RAB3GAP2: variants seen among roughly 807,000 people sequenced by gnomAD.
The protein encoded by RAB3GAP2 is RAB3 GTPase activating non-catalytic protein subunit 2, also known as rab3 GTPase-activating protein non-catalytic subunit.
Under a neutral mutation model 185.3 loss-of-function variants are expected in RAB3GAP2, and 87 were observed. The ratio of observed to expected loss-of-function variants is 0.47; its 90% CI spans 0.39 to 0.56. The LOEUF (loss-of-function observed/expected upper bound fraction) is 0.56. Ranked by LOEUF, RAB3GAP2 falls within the 20% of genes least tolerant of loss-of-function variation. The probability of loss-of-function intolerance (pLI) is 0.00; values close to 1 mark genes in which losing one functional copy is unlikely to be tolerated. For missense variants in RAB3GAP2, 1,492 were observed against 1,638.2 expected (o/e 0.91, Z 1.54); for synonymous variants, 554 against 576.1 (o/e 0.96, Z 0.55).
At chr1:220,204,400 C>G (rs2102876735) in intron 8 of RAB3GAP2, among the ~76,000 whole-genome samples, 1 of 152,170 alleles carries the variant, frequency 6.6e-6, no homozygotes, top group Middle Eastern at 3.4e-3. Flanking sequence ...ATCTATATAT[C>G]AAAAGGCAAT....
chr1:220,176,067 A>G (rs1451370506), intron 21 of RAB3GAP2, among the ~76,000 whole-genome samples: 1 of 152,194 alleles, frequency 6.6e-6, no homozygotes. Flanking sequence ...GAATACAGAG[A>G]TAAATTAAGT....
chr1:220,160,526 C>A (rs1657946399), intron 28 of RAB3GAP2, among the ~76,000 whole-genome samples: 2 of 152,314 alleles, frequency 1.3e-5, no homozygotes, highest in East Asian at 1.9e-4. Flanking sequence ...ATGTGCCAGA[C>A]CCTGTGCTAA....
chr1:220,151,589 C>T lies in RAB3GAP2; in HGVS notation c.4026+17G>A, dbSNP rs778191771. The T allele has an allele frequency of 9.4e-6, 15 of 1,603,660 alleles. No homozygotes were observed. Among genetic ancestry groups the T allele is most frequent in the South Asian group, 1.1e-5 (1 of 90,842 alleles). On this transcript the variant is annotated intron_variant, in intron 34 of 34. Coordinates refer to ENST00000358951, the MANE Select transcript of RAB3GAP2 (RefSeq NM_012414.4). Reference sequence around the variant, plus strand: ...CATCCAATGACCTTTTGCCTGATCTCGTTCTATTGTACTGACCATTGCTTT... The same window carrying T: ...CATCCAATGACCTTTTGCCTGATCTTGTTCTATTGTACTGACCATTGCTTT...
rs1658614780 is a variant in RAB3GAP2, at chr1:220,191,281, T to C, written c.1274A>G (p.Tyr425Cys). 1 of 1,510,954 alleles carries C rather than the reference T, an allele frequency of 6.6e-7. No individual in the cohort carries two copies. The highest frequency in any genetic ancestry group is 1.8e-4 in the Middle Eastern group (1 of 5,552). 93.6% of individuals were successfully genotyped at this position (1,510,954 alleles called of 1,614,324 possible). A position where few individuals can be genotyped will look rare whatever the true frequency, so the allele number is the denominator to read the frequency against. ...AATCCATCCAATTTGTGCGTCGCGG[T>C]ACCCTTAGAGACAGAGGTAAAGGGA... ...RGIAIRMWKG[Y>C]RDAQIGWIQT... Residue 425 changes from tyrosine (Y) to cysteine (C), a missense_variant, in exon 14 of 35, where the codon TAC (tyrosine) becomes TGC (cysteine). Tyr to Cys is a radical substitution (Grantham distance 194). This residue lies in a region of RAB3GAP2 where 681 missense variants were observed against 689.1 expected (regional missense o/e 0.99). Coordinates refer to ENST00000358951, the MANE Select transcript of RAB3GAP2 (RefSeq NM_012414.4).
chr1:220,268,011 T>C (rs1475050374), intron 1 of RAB3GAP2: 4 of 521,572 alleles, frequency 7.7e-6, no homozygotes, highest in Admixed American at 3.3e-5. Flanking sequence ...TCACAAGTAA[T>C]TGAGGTGTTT....
chr1:220,160,022 T>G (rs1657936281), intron 28 of RAB3GAP2, among the ~76,000 whole-genome samples: 1 of 149,690 alleles, frequency 6.7e-6, no homozygotes, highest in African/African-American at 2.5e-5. Context: ...ATCCCACTCC[T>G]ACCAAAGAAA....
intron 26 of RAB3GAP2, among the ~76,000 whole-genome samples, chr1:220,166,515 A>G (rs1658070442): frequency 6.6e-6 from 1 of 152,242 alleles, no homozygotes; most frequent in Admixed American, 6.5e-5. Context: ...GGAAGGAGGT[A>G]GAAAATAACA....
At chr1:220,239,218 A>C (rs752762392) in intron 1 of RAB3GAP2, among the ~76,000 whole-genome samples, 2 of 152,130 alleles carry the variant, frequency 1.3e-5, no homozygotes, top group Non-Finnish European at 2.9e-5. Flanking sequence ...CATCTTTTTC[A>C]AACAACTTTT....
intron 2 of RAB3GAP2, among the ~76,000 whole-genome samples, chr1:220,227,384 C>T (rs1441330242): frequency 6.6e-6 from 1 of 152,184 alleles, no homozygotes; most frequent in African/African-American, 2.4e-5. Context: ...CTAAAAAAGC[C>T]TTGTCCAGAT....
intron 1 of RAB3GAP2, among the ~76,000 whole-genome samples, chr1:220,249,328 G>A (rs1307520129): frequency 6.6e-6 from 1 of 152,174 alleles, no homozygotes; most frequent in Admixed American, 6.5e-5. Flanking sequence ...GTTCTCGGAA[G>A]GAGATGACAA....
intron 21 of RAB3GAP2, among the ~76,000 whole-genome samples, chr1:220,181,130 A>C (rs761113952): frequency 8.5e-5 from 13 of 152,120 alleles, no homozygotes; most frequent in Non-Finnish European, 1.8e-4. Flanking sequence ...ACACCATTTT[A>C]ACTTTTTTGC....
At chr1:220,156,214 G>A (rs1220681890) in intron 31 of RAB3GAP2, among the ~76,000 whole-genome samples, 1 of 152,116 alleles carries the variant, frequency 6.6e-6, no homozygotes, top group Non-Finnish European at 1.5e-5. Flanking sequence ...TCTTCCCAAA[G>A]TGCTGGGATT....
chr1:220,189,572 G>A (rs1178649752), intron 17 of RAB3GAP2, 131 bp downstream of exon 17: 15 of 867,718 alleles, frequency 1.7e-5, no homozygotes, highest in Non-Finnish European at 2.5e-5. Flanking sequence ...ATAAAGAAAG[G>A]GATAAACAAT....
chr1:220,151,223 AT>A lies in RAB3GAP2; in HGVS notation c.*27del. ...TGCACTACTTCATGTTATAATCATA[AT>A]TTTAGACTATTTCCAGTAGGTAAGT... is the stretch of plus-strand genomic sequence containing the variant. On this transcript the variant is annotated 3_prime_UTR_variant, in exon 35 of 35. Transcript: ENST00000358951. 1 of 1,603,784 alleles carries A rather than the reference AT, an allele frequency of 6.2e-7. No individual in the cohort carries two copies. Among genetic ancestry groups the A allele is most frequent in the Non-Finnish European group, 8.5e-7 (1 of 1,171,484 alleles).
chr1:220,252,420 A>T (rs539962922), intron 1 of RAB3GAP2, among the ~76,000 whole-genome samples: 71 of 152,336 alleles, frequency 4.7e-4, no homozygotes, highest in African/African-American at 1.7e-3. Flanking sequence ...GATTAGAAGC[A>T]GCTGTGGTCT....
chr1:220,185,580 T>C (rs937624135), intron 18 of RAB3GAP2, 71 bp downstream of exon 18: 6 of 1,124,542 alleles, frequency 5.3e-6, no homozygotes, highest in Non-Finnish European at 6.7e-6. Context: ...ACAAAGTCAA[T>C]AGCTTTCTAT....
rs962407871 is a variant in RAB3GAP2 at position 220,233,708 on chromosome 1, G to GT, written c.116-846dup. 1.7e-3 allele frequency among the ~76,000 whole-genome samples: 249 copies of GT among 148,896 alleles called. 1 individual carries two copies. Among genetic ancestry groups the GT allele is most frequent in the Non-Finnish European group, 2.5e-3 (165 of 66,900 alleles). On this transcript the variant is annotated intron_variant, in intron 1 of 34. Transcript: ENST00000358951. ...GAGGCAATACATATAAAGTGTATGT[G>GT]TTTTTTTTTTGAGATGGAGTCTCAC...
chr1:220,232,846 C>T lies in RAB3GAP2; in HGVS notation c.133G>A (p.Glu45Lys), dbSNP rs1659526623. 1 of 1,613,836 alleles carries T rather than the reference C, an allele frequency of 6.2e-7. No homozygotes were observed. The highest frequency in any genetic ancestry group is 8.5e-7 in the Non-Finnish European group (1 of 1,179,790). ...TCCCATGCTCCCCAACCATCATCTT[C>T]CCAGTCTGTTGATTTACCTGTTTTT... ...RRDPSKSTDW[E>K]DDGWGAWEEN... The change falls in exon 2 of 35, where the codon GAA becomes AAA. Residue 45 changes from glutamate (E) to lysine (K), a missense_variant. Physicochemically the swap from Glu to Lys is moderately conservative, Grantham distance 56. This residue lies in a region of RAB3GAP2 where 177 missense variants were observed against 160.6 expected (regional missense o/e 1.10). Coordinates refer to ENST00000358951, the MANE Select transcript of RAB3GAP2 (RefSeq NM_012414.4).
chr1:220,165,829 CGT>C (rs1387180947), intron 26 of RAB3GAP2, among the ~76,000 whole-genome samples: 1 of 152,120 alleles, frequency 6.6e-6, no homozygotes, highest in Non-Finnish European at 1.5e-5. Context: ...GTTCAGAAAC[CGT>C]GTGCTATGAG....
Sources: allele counts gnomAD v4.1 joint callset (sites outside exome capture counted in the v4.1 genomes callset), GRCh38; gene constraint gnomAD v4.1.1; regional missense constraint gnomAD v4.1.1; transcripts MANE v1.5; gene names NCBI Gene and HGNC (gene_info 2026-07-23, HGNC 2026-07-21).